OR51B5: variants seen among roughly 807,000 people sequenced by gnomAD.
OR51B5 encodes the protein olfactory receptor 51B5.
For synonymous variants in OR51B5, 186 were observed against 144.8 expected (o/e 1.28, Z -2.04); for missense variants, 456 against 374.6 (o/e 1.22, Z -1.79).
At chr11:5,418,089 G>T (rs1338108534) in intron 1 of OR51B5, among the ~76,000 whole-genome samples, 1 of 150,956 alleles carries the variant, frequency 6.6e-6, no homozygotes, top group African/African-American at 2.4e-5. Context: ...AAAATGATGA[G>T]TTCATGTCCT....
intron 1 of OR51B5, among the ~76,000 whole-genome samples, chr11:5,427,004 A>G (rs757050540): frequency 6.6e-6 from 1 of 152,178 alleles, no homozygotes; most frequent in Non-Finnish European, 1.5e-5. Context: ...ATTTGTTCAC[A>G]GTGAAGTTCC....
At position 5,390,120 on chromosome 11, in the gene OR51B5, C is replaced by G; in HGVS notation, n.85-43210G>C. The G allele has an allele frequency of 1.9e-6, 3 of 1,613,806 alleles. No individual in the cohort carries two copies. The East Asian group carries it at 6.7e-5, about 36-fold the overall frequency. On this transcript the variant is annotated intron_variant and non_coding_transcript_variant, in intron 1 of 4. Coordinates refer to the OR51B5 transcript ENST00000415970. The stretch of plus-strand genomic sequence containing the variant: ...ATCCTGCACACAGTAGCAGGCCTGG[C>G]CTCCCAAGAGGAGCAGCGCCGTGCC...
At chr11:5,355,749 TACC>T (rs1189227717) in intron 1 of OR51B5, among the ~76,000 whole-genome samples, 3 of 105,912 alleles carry the variant, frequency 2.8e-5, no homozygotes, top group African/African-American at 7.3e-5. Context: ...TTCTAACAAT[TACC>T]TTTAAAAATT....
In OR51B5 at chr11:5,482,029, A is replaced by T. The variant is rs1473799079; in HGVS notation, n.84+23540T>A. Among the ~76,000 whole-genome samples, 5 of 119,998 alleles carry T rather than the reference A, an allele frequency of 4.2e-5. 1 individual carries two copies. The highest frequency in any genetic ancestry group is 1.9e-4 in the African/African-American group (5 of 26,678). The allele number at this position is 119,998 out of a possible 152,430, so 78.7% of individuals were successfully genotyped here. On this transcript the variant is annotated intron_variant and non_coding_transcript_variant, in intron 1 of 4. Transcript: ENST00000415970. ...ACTTTAAAGTTCATATGGAACCAAA[A>T]AAGAGCCTGCATCACCAAGGCAATC...
intron 1 of OR51B5, among the ~76,000 whole-genome samples, chr11:5,492,558 C>T (rs1851596283): frequency 6.6e-6 from 1 of 152,136 alleles, no homozygotes; most frequent in Admixed American, 6.6e-5. Context: ...AAAGGCAAGA[C>T]AAGACACACT....
chr11:5,352,436 C>T (rs768063237), intron 1 of OR51B5: 8 of 1,583,538 alleles, frequency 5.1e-6, no homozygotes, highest in African/African-American at 1.3e-5. Flanking sequence ...CTGCCTCACT[C>T]TAGAGCATGA....
rs1204694306 is a variant in OR51B5, at chr11:5,390,140, C to T, written n.85-43230G>A. The T allele has an allele frequency of 1.1e-5, 17 of 1,613,744 alleles. 1 individual carries two copies. The highest frequency in any genetic ancestry group is 8.8e-5 in the South Asian group (8 of 91,074). On this transcript the variant is annotated intron_variant and non_coding_transcript_variant, in intron 1 of 4. Transcript: ENST00000415970. ...CCTGGCCTCCCAAGAGGAGCAGCGC[C>T]GTGCCTTTCAGACATGCACCGCTCC... is the stretch of plus-strand genomic sequence containing the variant.
At chr11:5,341,720 T>G (rs759540047), downstream of OR51B5, among the ~76,000 whole-genome samples, 5 of 152,178 alleles carry the variant, frequency 3.3e-5, no homozygotes, top group Non-Finnish European at 7.4e-5. Flanking sequence ...TTTTTTTTGT[T>G]CCTTCAGACC....
chr11:5,394,741 G>T (rs1447129334), intron 1 of OR51B5, among the ~76,000 whole-genome samples: 2 of 152,144 alleles, frequency 1.3e-5, no homozygotes, highest in Non-Finnish European at 2.9e-5. Context: ...TGTATCACCT[G>T]GGAAGCCTGT....
intron 1 of OR51B5, among the ~76,000 whole-genome samples, chr11:5,470,775 TTC>T (rs752855712): frequency 3.3e-5 from 5 of 152,188 alleles, no homozygotes; most frequent in Non-Finnish European, 7.3e-5. Context: ...AAACGCTGGT[TTC>T]CTCTCTCCAT....
intron 1 of OR51B5, among the ~76,000 whole-genome samples, chr11:5,417,305 A>T (rs1027871776): frequency 2.1e-4 from 32 of 151,060 alleles, no homozygotes; most frequent in African/African-American, 6.5e-4. Flanking sequence ...TAAACGTTAG[A>T]CCTAAAACCA....
intron 1 of OR51B5, among the ~76,000 whole-genome samples, chr11:5,408,748 TGA>T (rs1381152884): frequency 6.6e-6 from 1 of 152,130 alleles, no homozygotes; most frequent in East Asian, 1.9e-4. Flanking sequence ...CCTCAGTTAA[TGA>T]GAGTGACTCC....
chr11:5,457,915 T>C (rs1367684037), intron 1 of OR51B5, among the ~76,000 whole-genome samples: 3 of 152,180 alleles, frequency 2.0e-5, no homozygotes, highest in Non-Finnish European at 2.9e-5. Flanking sequence ...CTGTATGTTG[T>C]CTATTCAGTC....
At chr11:5,464,584 A>C (rs903581466) in intron 1 of OR51B5, among the ~76,000 whole-genome samples, 6 of 151,584 alleles carry the variant, frequency 4.0e-5, no homozygotes, top group African/African-American at 1.5e-4. Context: ...ATGATTTCCA[A>C]TTTCATCCAT....
intron 1 of OR51B5, among the ~76,000 whole-genome samples, chr11:5,476,003 G>GTCCAAACC (rs1319977377): frequency 6.6e-6 from 1 of 152,162 alleles, no homozygotes; most frequent in African/African-American, 2.4e-5. Context: ...CTGAATTCCA[G>GTCCAAACC]TCCAAACCCT....
chr11:5,492,488 T>G (rs1325995254), intron 1 of OR51B5, among the ~76,000 whole-genome samples: 2 of 152,192 alleles, frequency 1.3e-5, no homozygotes, highest in Admixed American at 1.3e-4. Context: ...CTCTTAATTT[T>G]TCTCTCTGAG....
At chr11:5,342,492 A>G (rs188576277), downstream of OR51B5, 28 of 1,430,682 alleles carry the variant, frequency 2.0e-5, no homozygotes, top group East Asian at 6.3e-4. Context: ...TTACCAAGTC[A>G]TATGAGCATG....
chr11:5,373,579 G>T (rs970771582), intron 1 of OR51B5, among the ~76,000 whole-genome samples: 10 of 152,178 alleles, frequency 6.6e-5, no homozygotes, highest in South Asian at 2.1e-4. Flanking sequence ...TCCTGGTCAA[G>T]GAAAGGGGTG....
intron 1 of OR51B5, among the ~76,000 whole-genome samples, chr11:5,419,644 C>T (rs1489776790): frequency 6.6e-6 from 1 of 152,052 alleles, no homozygotes; most frequent in African/African-American, 2.4e-5. Context: ...GGAACATGAA[C>T]ATCTACAGAT....
Sources: allele counts gnomAD v4.1 joint callset (sites outside exome capture counted in the v4.1 genomes callset), GRCh38; gene constraint gnomAD v4.1.1; transcripts MANE v1.5; gene names NCBI Gene and HGNC (gene_info 2026-07-23, HGNC 2026-07-21).